ATF6: variants seen among roughly 807,000 people sequenced by gnomAD.
The protein encoded by ATF6 is activating transcription factor 6.
In ATF6, 53 loss-of-function variants were observed where a neutral mutation model predicts 83.6. The observed-to-expected ratio is 0.63, with a 90% CI of 0.51 to 0.80. The LOEUF is 0.80. ATF6 is among the 30% of genes least tolerant of loss of function. The pLI is 0.00. For synonymous variants in ATF6, 288 were observed against 285.8 expected (o/e 1.01, Z -0.08); for missense variants, 744 against 797.9 (o/e 0.93, Z 0.81).
chr1:161,922,942 G>A (rs1470181591), intron 15 of ATF6, among the ~76,000 whole-genome samples: 1 of 152,126 alleles, frequency 6.6e-6, no homozygotes, highest in East Asian at 1.9e-4. Flanking sequence ...TTGATCTGAT[G>A]TACATGTAAA....
chr1:161,791,891 G>A, intron 5 of ATF6, among the ~76,000 whole-genome samples: 1 of 152,272 alleles, frequency 6.6e-6, no homozygotes, highest in Middle Eastern at 3.4e-3. Flanking sequence ...TCCTTTACCA[G>A]TTAGTGTGTC....
chr1:161,816,193 CT>C (rs1219817665), intron 7 of ATF6, among the ~76,000 whole-genome samples: 1 of 152,154 alleles, frequency 6.6e-6, no homozygotes, highest in African/African-American at 2.4e-5. Flanking sequence ...GGCAAGATGC[CT>C]GGTGGGAGAG....
intron 9 of ATF6, among the ~76,000 whole-genome samples, chr1:161,829,805 CAAAAT>C (rs1410381680): frequency 1.3e-5 from 2 of 152,280 alleles, no homozygotes; most frequent in East Asian, 1.9e-4. Context: ...GAACATATCT[CAAAAT>C]AAAAGAGCTA....
intron 14 of ATF6, among the ~76,000 whole-genome samples, chr1:161,881,133 G>T (rs890895772): frequency 2.0e-5 from 3 of 152,040 alleles, no homozygotes; most frequent in African/African-American, 4.8e-5. Context: ...TGAGGATTTT[G>T]TGTGTGTGTT....
At chr1:161,795,967 T>A (rs941833943) in intron 6 of ATF6, among the ~76,000 whole-genome samples, 2 of 152,194 alleles carry the variant, frequency 1.3e-5, no homozygotes, top group Admixed American at 1.3e-4. Context: ...CTGGGTAATT[T>A]GAGGATAGTT....
intron 9 of ATF6, among the ~76,000 whole-genome samples, chr1:161,828,527 C>A (rs1685961683): frequency 6.6e-6 from 1 of 152,100 alleles, no homozygotes; most frequent in Non-Finnish European, 1.5e-5. Flanking sequence ...CTCCCTTTTC[C>A]TCTACCCAAA....
At chr1:161,893,163 T>C (rs7546566) in intron 14 of ATF6, among the ~76,000 whole-genome samples, 1,985 of 151,938 alleles carry the variant, frequency 0.013, 48 homozygotes, top group African/African-American at 0.044. Flanking sequence ...ATTTTCTTTC[T>C]TTCTTTCTTT....
chr1:161,885,834 T>A (rs1420016452), intron 14 of ATF6, among the ~76,000 whole-genome samples: 2 of 152,162 alleles, frequency 1.3e-5, no homozygotes, highest in Non-Finnish European at 2.9e-5. Context: ...AAAAGTGACT[T>A]GTAAATCCAA....
intron 1 of ATF6, among the ~76,000 whole-genome samples, chr1:161,774,730 T>C (rs1443597652): frequency 6.6e-6 from 1 of 152,198 alleles, no homozygotes; most frequent in Non-Finnish European, 1.5e-5. Flanking sequence ...TAAACATTGA[T>C]ACAACAGTGT....
rs1689087802 is a variant in ATF6 at position 161,960,991 on chromosome 1, TATAAATAG to T, written c.*2339_*2346del. 6.6e-6 allele frequency: 1 copy of T among 152,200 alleles called. No homozygotes were observed. Among genetic ancestry groups the T allele is most frequent in the African/African-American group, 2.4e-5 (1 of 41,454 alleles). The allele number at this position is 152,200 out of a possible 1,614,324, so 9.4% of individuals were successfully genotyped here. ...GTAAACCTGGTTTGTGTGGGGTGAT[TATAAATAG>T]AGTTTCCCTCCTCTCTGTGACAGAA... On this transcript the variant is annotated 3_prime_UTR_variant, in exon 16 of 16. Coordinates refer to ENST00000367942, the MANE Select transcript of ATF6 (RefSeq NM_007348.4).
At chr1:161,774,430 CACACACAT>C (rs1275655603) in intron 1 of ATF6, among the ~76,000 whole-genome samples, 1 of 151,826 alleles carries the variant, frequency 6.6e-6, no homozygotes, top group African/African-American at 2.4e-5. Flanking sequence ...CACACACACA[CACACACAT>C]ACACACATAT....
rs148136512 is a variant in ATF6 at position 161,814,089 on chromosome 1, G to A, written c.910-5544G>A. On this transcript the variant is annotated intron_variant, in intron 7 of 15. Coordinates refer to ENST00000367942, the MANE Select transcript of ATF6 (RefSeq NM_007348.4). ...TTTAGTAGAGATGGGTTTTTTCCAT[G>A]TTGAGGCTGGTCTCGAACTCCTGAC... is the stretch of plus-strand genomic sequence containing the variant. 6.2e-3 allele frequency among the ~76,000 whole-genome samples: 949 copies of A among 152,168 alleles called. 7 individuals are homozygous for A. The highest frequency in any genetic ancestry group is 0.021 in the African/African-American group (861 of 41,538).
At chr1:161,817,969 T>G (rs1685652853) in intron 7 of ATF6, among the ~76,000 whole-genome samples, 1 of 151,620 alleles carries the variant, frequency 6.6e-6, no homozygotes, top group Non-Finnish European at 1.5e-5. Context: ...GGCGTGGTGG[T>G]GGGCACCTGT....
At chr1:161,775,256 C>T (rs1168283901) in intron 1 of ATF6, among the ~76,000 whole-genome samples, 1 of 152,194 alleles carries the variant, frequency 6.6e-6, no homozygotes, top group East Asian at 1.9e-4. Context: ...GGTTTCACCA[C>T]TGTAAAGCCA....
chr1:161,859,336 G>A (rs944190675), intron 12 of ATF6, among the ~76,000 whole-genome samples: 2 of 152,008 alleles, frequency 1.3e-5, no homozygotes, highest in South Asian at 2.1e-4. Flanking sequence ...CTGTTTTAGC[G>A]CTTATCGCAT....
rs12405289 is a variant in ATF6 at position 161,846,318 on chromosome 1, G to A, written c.1188-131G>A. On this transcript the variant is annotated intron_variant, in intron 9 of 15. Coordinates refer to ENST00000367942, the MANE Select transcript of ATF6 (RefSeq NM_007348.4). Reference sequence around the variant, plus strand: ...CCTTCAGTACCCTATTTGTACTTGCGTCTATGCCTAGCATTTTTGTTACGT... The same window carrying A: ...CCTTCAGTACCCTATTTGTACTTGCATCTATGCCTAGCATTTTTGTTACGT... 6,332 of 972,964 alleles carry A rather than the reference G, an allele frequency of 6.5e-3. 31 individuals carry two copies. The highest frequency in any genetic ancestry group is 7.4e-3 in the Non-Finnish European group (5,081 of 688,174). 60.3% of individuals were successfully genotyped at this position (972,964 alleles called of 1,614,324 possible).
intron 14 of ATF6, among the ~76,000 whole-genome samples, chr1:161,893,210 A>G (rs947359422): frequency 2.0e-5 from 3 of 151,774 alleles, no homozygotes; most frequent in Admixed American, 2.0e-4. Flanking sequence ...CTTGTTGACC[A>G]GGCTGGAGTG....
At chr1:161,776,564 G>A (rs1281121137) in intron 1 of ATF6, among the ~76,000 whole-genome samples, 1 of 151,760 alleles carries the variant, frequency 6.6e-6, no homozygotes, top group East Asian at 1.9e-4. Flanking sequence ...GAATTTTCTG[G>A]TAGATTGATT....
At chr1:161,802,727 C>T (rs550800690) in intron 7 of ATF6, among the ~76,000 whole-genome samples, 1 of 152,194 alleles carries the variant, frequency 6.6e-6, no homozygotes, top group African/African-American at 2.4e-5. Flanking sequence ...GTATTTTCAC[C>T]ACTTCATAAT....
Sources: gnomAD v4.1 joint callset for allele counts (sites outside exome capture counted in the v4.1 genomes callset) on GRCh38, gnomAD v4.1.1 for gene constraint, MANE v1.5 for transcripts, NCBI Gene and HGNC (gene_info 2026-07-23, HGNC 2026-07-21) for gene names.